CSMD1: variants seen among roughly 807,000 people sequenced by gnomAD.
CSMD1 encodes the protein CUB and Sushi multiple domains 1.
A neutral mutation model predicts 417.5 loss-of-function variants in CSMD1; 213 were observed. The observed-to-expected ratio is 0.51, with a 90% CI of 0.46 to 0.57. The LOEUF (loss-of-function observed/expected upper bound fraction) is 0.57, where lower values mean the gene tolerates loss of function less well. Ranked by LOEUF, CSMD1 falls within the 20% of genes least tolerant of loss-of-function variation. CSMD1 has a pLI of 0.00. For synonymous variants in CSMD1, 2,862 were observed against 1,736.8 expected, an observed-to-expected ratio of 1.65 and a Z score of -16.11; for missense variants, 6,923 against 4,529.7, an observed-to-expected ratio of 1.53 and a Z score of -15.17.
intron 6 of CSMD1, among the ~76,000 whole-genome samples, chr8:3,730,533 C>T (rs1031976): frequency 0.083 from 12,595 of 152,054 alleles, 774 homozygotes; most frequent in African/African-American, 0.16. Context: ...GTAGGGATCA[C>T]AGCGAGGAGA....
intron 3 of CSMD1, among the ~76,000 whole-genome samples, chr8:4,145,596 A>G (rs1467673655): frequency 6.6e-6 from 1 of 150,932 alleles, no homozygotes; most frequent in Non-Finnish European, 1.5e-5. Context: ...ACCATGTTGC[A>G]TGGGCTAGTG....
chr8:3,729,616 G>C (rs1026133114), intron 6 of CSMD1, among the ~76,000 whole-genome samples: 1 of 152,050 alleles, frequency 6.6e-6, no homozygotes, highest in Non-Finnish European at 1.5e-5. Context: ...GCAGATCTTA[G>C]TGTGGAAAGA....
chr8:3,137,416 C>A (rs541495657), intron 41 of CSMD1, among the ~76,000 whole-genome samples: 2 of 152,348 alleles, frequency 1.3e-5, no homozygotes, highest in African/African-American at 4.8e-5. Flanking sequence ...AAGTATGGAG[C>A]TCACAGGTGT....
In CSMD1 at chr8:3,120,085, A is replaced by C. The variant is rs10109030; in HGVS notation, c.6242-1498T>G. Among the ~76,000 whole-genome samples, 1,207 of 152,306 alleles carry C rather than the reference A, an allele frequency of 7.9e-3. 18 individuals are homozygous for C. Among genetic ancestry groups the C allele is most frequent in the African/African-American group, 0.027 (1,138 of 41,560 alleles). On this transcript the variant is annotated intron_variant, in intron 41 of 69. Coordinates refer to ENST00000635120, the MANE Select transcript of CSMD1 (RefSeq NM_033225.6). ...ACTTGTAAACAAATGCTGGAAAAGG[A>C]AACAGTATATTATTATGACAGGTGT...
intron 10 of CSMD1, among the ~76,000 whole-genome samples, chr8:3,529,619 G>C (rs1797894604): frequency 6.6e-6 from 1 of 152,196 alleles, no homozygotes; most frequent in African/African-American, 2.4e-5. Context: ...CCTAGTTCGT[G>C]ATTTGTCAAA....
chr8:4,541,739 A>C (rs1326613581), intron 2 of CSMD1, among the ~76,000 whole-genome samples: 2 of 152,078 alleles, frequency 1.3e-5, no homozygotes, highest in African/African-American at 4.8e-5. Context: ...TGTCTAAATA[A>C]ATAAATAAAT....
intron 3 of CSMD1, among the ~76,000 whole-genome samples, chr8:4,264,204 C>A (rs1261825192): frequency 6.6e-6 from 1 of 152,102 alleles, no homozygotes; most frequent in South Asian, 2.1e-4. Context: ...TGATTACCAA[C>A]GTGACTACAA....
chr8:4,706,494 G>A (rs748377318), intron 1 of CSMD1, among the ~76,000 whole-genome samples: 1 of 152,092 alleles, frequency 6.6e-6, no homozygotes, highest in Non-Finnish European at 1.5e-5. Flanking sequence ...AGTAAATATA[G>A]CATTAAATAC....
intron 1 of CSMD1, among the ~76,000 whole-genome samples, chr8:4,723,323 C>G (rs930818099): frequency 2.6e-5 from 4 of 152,136 alleles, no homozygotes; most frequent in South Asian, 2.1e-4. Flanking sequence ...AGGATTGATA[C>G]CCGGGAGTTA....
intron 59 of CSMD1, among the ~76,000 whole-genome samples, chr8:2,964,425 G>C (rs1388072559): frequency 6.6e-6 from 1 of 152,174 alleles, no homozygotes; most frequent in Non-Finnish European, 1.5e-5. Context: ...GGCCCCAGTT[G>C]GAAGAGACCT....
intron 3 of CSMD1, among the ~76,000 whole-genome samples, chr8:4,305,414 G>C (rs984232398): frequency 3.9e-5 from 6 of 152,152 alleles, no homozygotes; most frequent in South Asian, 2.1e-4. Flanking sequence ...ATCAGCTTAA[G>C]TGAAAGGGAT....
Position 4,611,928 on chromosome 8 carries a change from T to C in CSMD1, c.302+25414A>G, listed in dbSNP as rs1563333524. Among the ~76,000 whole-genome samples, 9 of 152,328 alleles carry C rather than the reference T, an allele frequency of 5.9e-5. 1 individual carries two copies. The South Asian group carries it at 1.9e-3, about 32-fold the overall frequency. ...TGACAAATTCTACATTCCTGAATAG[T>C]TACTTGTGAATTCAGGATTTCATTT... On this transcript the variant is annotated intron_variant, in intron 2 of 69. Coordinates refer to ENST00000635120, the MANE Select transcript of CSMD1 (RefSeq NM_033225.6).
At chr8:4,795,095 C>T (rs1797902760) in intron 1 of CSMD1, among the ~76,000 whole-genome samples, 1 of 151,620 alleles carries the variant, frequency 6.6e-6, no homozygotes, top group Non-Finnish European at 1.5e-5. Context: ...AGTGAAGAAT[C>T]AGGTGGAATA....
chr8:4,042,464 A>G (rs576424408), intron 3 of CSMD1, among the ~76,000 whole-genome samples: 17 of 152,148 alleles, frequency 1.1e-4, no homozygotes, highest in Non-Finnish European at 2.1e-4. Flanking sequence ...ATATTTTGCA[A>G]TATCACAGGG....
chr8:3,172,543 C>A (rs1820644912), intron 37 of CSMD1, among the ~76,000 whole-genome samples: 1 of 152,246 alleles, frequency 6.6e-6, no homozygotes, highest in Middle Eastern at 3.4e-3. Flanking sequence ...CCACATTGAT[C>A]TTGTTGTCTG....
chr8:3,712,620 T>C (rs1585118125), intron 6 of CSMD1, among the ~76,000 whole-genome samples: 1 of 152,244 alleles, frequency 6.6e-6, no homozygotes, highest in South Asian at 2.1e-4. Flanking sequence ...CTTTTGTGTC[T>C]AATCTCAGAC....
At chr8:3,786,077 C>T (rs1265802791) in intron 5 of CSMD1, among the ~76,000 whole-genome samples, 1 of 152,024 alleles carries the variant, frequency 6.6e-6, no homozygotes, top group Admixed American at 6.6e-5. Context: ...GAGCAGGCCT[C>T]ATTGAAAGAC....
chr8:3,171,378 C>T (rs1563107677), intron 37 of CSMD1, among the ~76,000 whole-genome samples: 1 of 152,148 alleles, frequency 6.6e-6, no homozygotes, highest in Non-Finnish European at 1.5e-5. Context: ...CCCTTTTTAA[C>T]ACTCAAAACT....
rs1433064555 is a variant in CSMD1, at chr8:3,354,862, T to G, written c.3304+4290A>C. ...AGATACACTAAACCCTCTCCCTATA[T>G]ATAGATATACATATATCTATAGATA... is the stretch of plus-strand genomic sequence containing the variant. On this transcript the variant is annotated intron_variant, in intron 21 of 69. Coordinates refer to ENST00000635120, the MANE Select transcript of CSMD1 (RefSeq NM_033225.6). 1.4e-5 allele frequency among the ~76,000 whole-genome samples: 2 copies of G among 145,046 alleles called. 1 individual carries two copies. Among genetic ancestry groups the G allele is most frequent in the Non-Finnish European group, 3.0e-5 (2 of 67,696 alleles).
Sources: allele counts gnomAD v4.1 joint callset (sites outside exome capture counted in the v4.1 genomes callset), GRCh38; gene constraint gnomAD v4.1.1; transcripts MANE v1.5; gene names NCBI Gene and HGNC (gene_info 2026-07-23, HGNC 2026-07-21).